The following EFCAB3 variants were observed in gnomAD, a reference collection of about 807,000 sequenced individuals.
The protein encoded by EFCAB3 is EF-hand calcium-binding domain-containing protein 3.
EFCAB3 carries 36 observed loss-of-function variants against 42.2 expected under a neutral mutation model. The observed-to-expected ratio is 0.85, with a 90% CI of 0.65 to 1.13. The LOEUF is 1.13. Among genes scored for constraint, EFCAB3 ranks in the 50% most tolerant of loss-of-function variants. EFCAB3 has a pLI of 0.00. For missense variants in EFCAB3, 418 were observed against 505.1 expected, an observed-to-expected ratio of 0.83 and a Z score of 1.65; for synonymous variants, 170 against 172.8, an observed-to-expected ratio of 0.98 and a Z score of 0.13.
chr17:62,392,266 A>G (rs2070310026), intron 4 of EFCAB3, among the ~76,000 whole-genome samples: 1 of 151,448 alleles, frequency 6.6e-6, no homozygotes, highest in East Asian at 1.9e-4. Flanking sequence ...ACACACATAT[A>G]TATATAGCCT....
intron 2 of EFCAB3, among the ~76,000 whole-genome samples, chr17:62,375,270 AT>A (rs1364726957): frequency 1.3e-5 from 2 of 152,222 alleles, no homozygotes; most frequent in African/African-American, 4.8e-5. Context: ...AAAAGAAAAA[AT>A]ATCTACCTTT....
intron 3 of EFCAB3, among the ~76,000 whole-genome samples, chr17:62,391,110 A>G (rs995685852): frequency 6.6e-6 from 1 of 152,324 alleles, no homozygotes; most frequent in East Asian, 1.9e-4. Context: ...CAGTTCTATA[A>G]GTCAGAAGTC....
upstream of EFCAB3, among the ~76,000 whole-genome samples, chr17:62,376,931 G>C (rs1284434224): frequency 1.3e-5 from 2 of 152,138 alleles, no homozygotes; most frequent in African/African-American, 2.4e-5. Flanking sequence ...TCTGCTTCTT[G>C]TCATCTTCTA....
chr17:62,413,635 T>C (rs1416990114), intron 8 of EFCAB3, 97 bp from the exon 9 acceptor site: 1 of 1,067,394 alleles, frequency 9.4e-7, no homozygotes, highest in Non-Finnish European at 1.3e-6. Flanking sequence ...TATATACAAA[T>C]CCTTCTATAA....
In EFCAB3 at chr17:62,382,989, T is replaced by C; in HGVS notation, c.10T>C (p.Ser4Pro). Residue 4 changes from serine to proline, a missense_variant, in exon 2 of 10, where the codon TCA becomes CCA. Physicochemically the swap from Ser to Pro is moderately conservative, Grantham distance 74 (BLOSUM62 -1). Coordinates refer to ENST00000305286, the MANE Select transcript of EFCAB3 (RefSeq NM_173503.4). ...CAGAGTCACTGGCCACATGGCAGTT[T>C]CAGAAATTAAACCAAAACTTAAGCT... MAV[S>P]EIKPKLKLNP... The C allele has an allele frequency of 1.2e-6, 2 of 1,613,688 alleles. No homozygotes were observed. The highest frequency in any genetic ancestry group is 1.7e-6 in the Non-Finnish European group (2 of 1,179,944).
At chr17:62,406,404 A>G in intron 6 of EFCAB3, 76 bp from the exon 7 acceptor site, 1 of 1,242,946 alleles carries the variant, frequency 8.0e-7, no homozygotes, top group Admixed American at 2.8e-5. Context: ...AGCATATGTA[A>G]CTAGCAACTT....
intron 2 of EFCAB3, among the ~76,000 whole-genome samples, chr17:62,386,896 C>A (rs2070256364): frequency 1.3e-5 from 2 of 152,132 alleles, no homozygotes; most frequent in South Asian, 4.1e-4. Flanking sequence ...ACAAGCAATC[C>A]TCCCACCTCA....
rs2070443515 is a variant in EFCAB3 at position 62,405,921 on chromosome 17, C to T, written c.489-559C>T. On this transcript the variant is annotated intron_variant, in intron 6 of 9. Transcript: ENST00000305286. Reference sequence around the variant, plus strand: ...CTTTTTTATACTTTTCTATGTTTTCCAAATTCTCTGCAATGAGAATTTCTT... The same window carrying T: ...CTTTTTTATACTTTTCTATGTTTTCTAAATTCTCTGCAATGAGAATTTCTT... Among the ~76,000 whole-genome samples the T allele has an allele frequency of 1.3e-5, 2 of 151,974 alleles. 1 individual carries two copies. Among genetic ancestry groups the T allele is most frequent in the South Asian group, 4.2e-4 (2 of 4,814 alleles).
intron 8 of EFCAB3, among the ~76,000 whole-genome samples, chr17:62,410,652 A>C (rs982437337): frequency 6.6e-6 from 1 of 152,122 alleles, no homozygotes; most frequent in East Asian, 1.9e-4. Flanking sequence ...ACATTCAAAA[A>C]TGTATTCAAA....
intron 6 of EFCAB3, chr17:62,397,893 A>C: frequency 3.7e-6 from 1 of 273,842 alleles, no homozygotes; most frequent in Non-Finnish European, 7.0e-6. Flanking sequence ...GGCATGGTGG[A>C]GGGTGCCTGT....
intron 5 of EFCAB3, among the ~76,000 whole-genome samples, chr17:62,394,143 T>C (rs1380325952): frequency 1.3e-5 from 2 of 151,904 alleles, no homozygotes; most frequent in African/African-American, 2.4e-5. Flanking sequence ...TTAGTAGAGA[T>C]GGGATTTCAC....
At chr17:62,371,386 C>G (rs982297603) in intron 1 of EFCAB3, among the ~76,000 whole-genome samples, 2 of 149,628 alleles carry the variant, frequency 1.3e-5, no homozygotes, top group African/African-American at 4.9e-5. Context: ...GAAACCCCGT[C>G]TCTACTAAAA....
At chr17:62,408,462 G>T (rs1197426643) in intron 8 of EFCAB3, among the ~76,000 whole-genome samples, 2 of 152,122 alleles carry the variant, frequency 1.3e-5, no homozygotes, top group Non-Finnish European at 2.9e-5. Context: ...ATATCACGCA[G>T]AATGAAAACC....
At chr17:62,415,115 A>C (rs1485310567) in intron 9 of EFCAB3, among the ~76,000 whole-genome samples, 1 of 146,976 alleles carries the variant, frequency 6.8e-6, no homozygotes, top group East Asian at 2.4e-4. Flanking sequence ...AAAACAAAAA[A>C]AAACAAAAAA....
At chr17:62,386,239 C>T (rs2070249791) in intron 2 of EFCAB3, among the ~76,000 whole-genome samples, 1 of 152,154 alleles carries the variant, frequency 6.6e-6, no homozygotes, top group African/African-American at 2.4e-5. Context: ...TTACATGATA[C>T]ATTTTTGTGT....
intron 1 of EFCAB3, among the ~76,000 whole-genome samples, chr17:62,371,814 C>T: frequency 6.6e-6 from 1 of 151,934 alleles, no homozygotes; most frequent in East Asian, 1.9e-4. Flanking sequence ...ACTCACTGGC[C>T]CTTGTGCTAT....
chr17:62,372,091 G>A (rs370173915), intron 1 of EFCAB3, among the ~76,000 whole-genome samples: 1 of 152,170 alleles, frequency 6.6e-6, no homozygotes, highest in South Asian at 2.1e-4. Flanking sequence ...CTTTCTCTAC[G>A]AAGCCCAACT....
chr17:62,381,677 G>A (rs566741975), intron 1 of EFCAB3: 7 of 204,396 alleles, frequency 3.4e-5, no homozygotes, highest in South Asian at 1.4e-4. Flanking sequence ...CAGTGCGCTC[G>A]GTCACCTCCC....
chr17:62,377,998 A>C, upstream of EFCAB3: 1 of 1,549,846 alleles, frequency 6.5e-7, no homozygotes, highest in Non-Finnish European at 8.7e-7. Flanking sequence ...CATAAGTTGA[A>C]AACTGCAAAT....
Sources: gnomAD v4.1 joint callset for allele counts (sites outside exome capture counted in the v4.1 genomes callset) on GRCh38, gnomAD v4.1.1 for gene constraint, MANE v1.5 for transcripts, NCBI Gene and HGNC (gene_info 2026-07-23, HGNC 2026-07-21) for gene names.